RNASEH2A: variants seen among roughly 807,000 people sequenced by gnomAD.
RNASEH2A encodes the protein ribonuclease H2 subunit A.
A neutral mutation model predicts 32.7 loss-of-function variants in RNASEH2A; 30 were observed. The observed-to-expected ratio is 0.92, with a 90% CI of 0.69 to 1.25. RNASEH2A has a LOEUF of 1.25. RNASEH2A is among the 50% of genes most tolerant of loss of function. The probability of loss-of-function intolerance (pLI) is 0.00; values close to 1 mark genes in which losing one functional copy is unlikely to be tolerated. For synonymous variants in RNASEH2A, 147 were observed against 165.4 expected, an observed-to-expected ratio of 0.89 and a Z score of 0.86; for missense variants, 409 against 398.1, an observed-to-expected ratio of 1.03 and a Z score of -0.23.
Position 12,806,760 on chromosome 19 carries a change from C to G in RNASEH2A, c.87C>G (p.Cys29Trp). 1 of 1,575,016 alleles carries G rather than the reference C, an allele frequency of 6.3e-7. No homozygotes were observed. The highest frequency in any genetic ancestry group is 8.6e-7 in the Non-Finnish European group (1 of 1,160,156). Reference sequence around the variant, plus strand: ...CCGCGGTGTGCCGCAAGGAGCCTTGCGTCCTGGGCGTCGATGAGGCGGGCA... The same window carrying G: ...CCGCGGTGTGCCGCAAGGAGCCTTGGGTCCTGGGCGTCGATGAGGCGGGCA... ...PVPAVCRKEP[C>W]VLGVDEAGRG... Residue 29 changes from cysteine (C) to tryptophan (W), a missense_variant, in exon 1 of 8, where the codon TGC becomes TGG. Transcript: ENST00000221486.
intron 6 of RNASEH2A, among the ~76,000 whole-genome samples, chr19:12,812,073 A>G (rs192521393): frequency 6.6e-6 from 1 of 152,182 alleles, no homozygotes; most frequent in Admixed American, 6.6e-5. Context: ...CCCCATCTCT[A>G]CAAAAAATAC....
In RNASEH2A at chr19:12,812,998, C is replaced by A. The variant is rs955211075; in HGVS notation, c.638-85C>A. 4.4e-6 allele frequency: 7 copies of A among 1,587,568 alleles called. No homozygotes were observed. The African/African-American group carries it at 9.5e-5, about 22-fold the overall frequency. Reference sequence around the variant, plus strand: ...CCAGCCTGGCTACAGAGTGGGACTCCATCTCAAAGAAAAAAAAAAGAGTGG... The same window carrying A: ...CCAGCCTGGCTACAGAGTGGGACTCAATCTCAAAGAAAAAAAAAAGAGTGG... On this transcript the variant is annotated intron_variant, in intron 6 of 7. Transcript: ENST00000221486.
At chr19:12,807,978 C>T (rs2145825614) in intron 4 of RNASEH2A, 1 of 231,752 alleles carries the variant, frequency 4.3e-6, no homozygotes, top group Non-Finnish European at 8.7e-6. Context: ...AGACCAGGCG[C>T]AGTGGCTCAC....
chr19:12,813,584 G>A lies in RNASEH2A; in HGVS notation c.*118G>A. On this transcript the variant is annotated 3_prime_UTR_variant, in exon 8 of 8. Transcript: ENST00000221486. The stretch of plus-strand genomic sequence containing the variant: ...AAGCAAGGTGGGAGTGTGCTCTGCA[G>A]CCGGGTCCAGCTACTTCCTTTTGGA... 8.7e-6 allele frequency: 11 copies of A among 1,263,100 alleles called. No homozygotes were observed. The highest frequency in any genetic ancestry group is 1.3e-5 in the Non-Finnish European group (11 of 877,220). The allele number at this position is 1,263,100 out of a possible 1,614,324, so 78.2% of individuals were successfully genotyped here.
chr19:12,807,631 C>A, intron 4 of RNASEH2A, 125 bp downstream of exon 4: 4 of 878,014 alleles, frequency 4.6e-6, no homozygotes, highest in East Asian at 2.6e-5. Flanking sequence ...CAAAGGAAGC[C>A]CCCCAACTCA....
In RNASEH2A at chr19:12,813,582, C is replaced by A; in HGVS notation, c.*116C>A. ...AGAAGCAAGGTGGGAGTGTGCTCTG[C>A]AGCCGGGTCCAGCTACTTCCTTTTG... On this transcript the variant is annotated 3_prime_UTR_variant, in exon 8 of 8. Transcript: ENST00000221486. The A allele has an allele frequency of 2.4e-6, 3 of 1,256,736 alleles. No homozygotes were observed. The highest frequency in any genetic ancestry group is 3.4e-6 in the Non-Finnish European group (3 of 871,544). 77.8% of individuals were successfully genotyped at this position (1,256,736 alleles called of 1,614,324 possible).
In RNASEH2A at chr19:12,810,316, G is replaced by A. The variant is rs755948570; in HGVS notation, c.550-1G>A. On this transcript the variant is annotated splice_acceptor_variant, in intron 5 of 7. Coordinates refer to ENST00000221486, the MANE Select transcript of RNASEH2A (RefSeq NM_006397.3). LOFTEE classifies it high-confidence loss of function. Reference sequence around the variant, plus strand: ...ATTCCAGGTGCCTGTTTTGCCCACAGGTGGCCCGGGACCAGGCCGTGAAGA... The same window carrying A: ...ATTCCAGGTGCCTGTTTTGCCCACAAGTGGCCCGGGACCAGGCCGTGAAGA... 1 of 1,614,186 alleles carries A rather than the reference G, an allele frequency of 6.2e-7. No individual in the cohort carries two copies. Among genetic ancestry groups the A allele is most frequent in the South Asian group, 1.1e-5 (1 of 91,080 alleles).
chr19:12,809,286 C>T (rs1969039367), intron 4 of RNASEH2A, among the ~76,000 whole-genome samples: 1 of 152,166 alleles, frequency 6.6e-6, no homozygotes. Flanking sequence ...TTTCTGAAAA[C>T]AGTAGTGCTG....
chr19:12,807,530 C>A, intron 4 of RNASEH2A, 24 bp downstream of exon 4: 2 of 1,591,516 alleles, frequency 1.3e-6, no homozygotes, highest in Non-Finnish European at 1.7e-6. Context: ...AAGTTGTCCC[C>A]ATTTGGTCAT....
In RNASEH2A at chr19:12,807,502, C is replaced by A; in HGVS notation, c.407C>A (p.Thr136Asn). 6.2e-7 allele frequency: 1 copy of A among 1,613,510 alleles called. No homozygotes were observed. Among genetic ancestry groups the A allele is most frequent in the East Asian group, 2.2e-5 (1 of 44,876 alleles). ...GCATTGGACCAGGGCGTGAACGTCA[C>A]CCAGGTGAGTTAACTGTAAGTTGTC... ...QYALDQGVNVTQVFVDTVGMP... is the reference protein window; with the variant it reads ...QYALDQGVNVNQVFVDTVGMP... Residue 136 changes from threonine (T) to asparagine (N), a missense_variant, in exon 4 of 8, where the codon ACC (threonine) becomes AAC (asparagine). Thr to Asn is a moderately conservative substitution (Grantham distance 65). Coordinates refer to ENST00000221486, the MANE Select transcript of RNASEH2A (RefSeq NM_006397.3).
chr19:12,810,608 G>A (rs1318648709), intron 6 of RNASEH2A, among the ~76,000 whole-genome samples: 2 of 151,760 alleles, frequency 1.3e-5, no homozygotes, highest in African/African-American at 4.8e-5. Flanking sequence ...TCGGCTCACC[G>A]CAACCTCCAC....
rs556955801 is a variant in RNASEH2A, at chr19:12,806,688, G to A, written c.15G>A (p.Glu5=). The change falls in exon 1 of 8, where the codon GAG becomes GAA. Residue 5 remains glutamate, a synonymous_variant. Coordinates refer to ENST00000221486, the MANE Select transcript of RNASEH2A (RefSeq NM_006397.3). ...GCTGAGGCGGCATGGATCTCAGCGA[G>A]CTGGAGAGAGACAATACAGGCCGCT... The part of the protein sequence containing the change: MDLS[E]LERDNTGRCR... 5 of 1,574,154 alleles carry A rather than the reference G, an allele frequency of 3.2e-6. No individual in the cohort carries two copies. The South Asian group carries it at 5.8e-5, about 18-fold the overall frequency.
chr19:12,806,863 G>A, intron 1 of RNASEH2A, 63 bp downstream of exon 1: 13 of 1,596,114 alleles, frequency 8.1e-6, no homozygotes, highest in East Asian at 2.3e-5. Flanking sequence ...ACGGGAGTCG[G>A]GATTGCACTG....
Position 12,806,686 on chromosome 19 carries a change from G to T in RNASEH2A, c.13G>T (p.Glu5Ter), listed in dbSNP as rs867179008. The T allele has an allele frequency of 1.3e-6, 2 of 1,573,618 alleles. No homozygotes were observed. The highest frequency in any genetic ancestry group is 1.2e-5 in the South Asian group (1 of 86,008). Reference sequence around the variant, plus strand: ...CGGCTGAGGCGGCATGGATCTCAGCGAGCTGGAGAGAGACAATACAGGCCG... The same window carrying T: ...CGGCTGAGGCGGCATGGATCTCAGCTAGCTGGAGAGAGACAATACAGGCCG... MDLS[E>*]LERDNTGRCR... The change falls in exon 1 of 8, where the codon GAG (glutamate) becomes TAG (stop). Residue 5 changes from glutamate to a stop codon, truncating the protein, a stop_gained. Coordinates refer to ENST00000221486, the MANE Select transcript of RNASEH2A (RefSeq NM_006397.3). LOFTEE classifies it high-confidence loss of function.
chr19:12,812,775 G>C (rs149498578), intron 6 of RNASEH2A, among the ~76,000 whole-genome samples: 1 of 152,116 alleles, frequency 6.6e-6, no homozygotes, highest in Non-Finnish European at 1.5e-5. Flanking sequence ...GGGAGGCCGA[G>C]GGGGGTAGAT....
In RNASEH2A at chr19:12,807,285, G is replaced by T. The variant is rs1969008278; in HGVS notation, c.279G>T (p.Leu93=). The T allele has an allele frequency of 6.2e-7, 1 of 1,614,076 alleles. No homozygotes were observed. Among genetic ancestry groups the T allele is most frequent in the Non-Finnish European group, 8.5e-7 (1 of 1,180,042 alleles). The part of the protein sequence containing the change: ...MEDTDFVGWA[L]DVLSPNLIST... ...ACACGGACTTTGTCGGCTGGGCGCT[G>T]GATGTGCTGTCTCCAAACCTCATCT... Residue 93 remains leucine (L), a synonymous_variant, in exon 3 of 8, where the codon CTG becomes CTT. Coordinates refer to ENST00000221486, the MANE Select transcript of RNASEH2A (RefSeq NM_006397.3).
chr19:12,811,428 AG>A (rs1969069745), intron 6 of RNASEH2A, among the ~76,000 whole-genome samples: 1 of 150,840 alleles, frequency 6.6e-6, no homozygotes, highest in Non-Finnish European at 1.5e-5. Flanking sequence ...TGGGCAACAT[AG>A]CGAGACCCCC....
chr19:12,810,790 A>C (rs753089403), intron 6 of RNASEH2A, among the ~76,000 whole-genome samples: 12 of 151,936 alleles, frequency 7.9e-5, no homozygotes, highest in Non-Finnish European at 1.5e-4. Flanking sequence ...TCAGCCTCCC[A>C]AAGTGCTGGG....
Position 12,810,317 on chromosome 19 carries a change from G to A in RNASEH2A, c.550G>A (p.Val184Met), listed in dbSNP as rs777679893. 31 of 1,614,052 alleles carry A rather than the reference G, an allele frequency of 1.9e-5. No homozygotes were observed. The highest frequency in any genetic ancestry group is 2.5e-5 in the Non-Finnish European group (29 of 1,180,040). The change falls in exon 6 of 8, where the codon GTG (valine) becomes ATG (methionine). Residue 184 changes from valine to methionine, a missense_variant and splice_region_variant. Coordinates refer to ENST00000221486, the MANE Select transcript of RNASEH2A (RefSeq NM_006397.3). ...TTCCAGGTGCCTGTTTTGCCCACAGGTGGCCCGGGACCAGGCCGTGAAGAA... is the reference window on the plus strand; with the variant it reads ...TTCCAGGTGCCTGTTTTGCCCACAGATGGCCCGGGACCAGGCCGTGAAGAA... The part of the protein sequence containing the change: ...VVSAASICAK[V>M]ARDQAVKKWQ...
Sources: gnomAD v4.1 joint callset for allele counts (sites outside exome capture counted in the v4.1 genomes callset) on GRCh38, gnomAD v4.1.1 for gene constraint, MANE v1.5 for transcripts, NCBI Gene and HGNC (gene_info 2026-07-23, HGNC 2026-07-21) for gene names.